CRPPA: variants seen among roughly 807,000 people sequenced by gnomAD.
The protein encoded by CRPPA is CDP-L-ribitol pyrophosphorylase A.
CRPPA carries 43 observed loss-of-function variants against 52.0 expected under a neutral mutation model. The ratio of observed to expected loss-of-function variants is 0.83; its 90% CI spans 0.65 to 1.07. The LOEUF is 1.07. CRPPA is among the 50% of genes least tolerant of loss of function. The probability of loss-of-function intolerance (pLI) is 0.00; values close to 1 mark genes in which losing one functional copy is unlikely to be tolerated. For missense variants in CRPPA, 629 were observed against 551.7 expected (o/e 1.14, Z -1.40); for synonymous variants, 250 against 203.5 (o/e 1.23, Z -1.94).
chr7:16,169,904 TAA>T (rs1781143258), intron 9 of CRPPA, among the ~76,000 whole-genome samples: 1 of 152,224 alleles, frequency 6.6e-6, no homozygotes, highest in East Asian at 1.9e-4. Flanking sequence ...ACACAAATGA[TAA>T]TATTAAACTA....
chr7:16,396,802 A>G (rs10257559), intron 2 of CRPPA, among the ~76,000 whole-genome samples: 5,322 of 152,320 alleles, frequency 0.035, 318 homozygotes, highest in African/African-American at 0.12. Context: ...GTGTGTAACT[A>G]AAGATGTGTG....
At chr7:16,322,479 A>T (rs1325698486) in intron 3 of CRPPA, among the ~76,000 whole-genome samples, 1 of 152,182 alleles carries the variant, frequency 6.6e-6, no homozygotes, top group Non-Finnish European at 1.5e-5. Flanking sequence ...AGAAAAACAG[A>T]ACTCTAATCT....
intron 3 of CRPPA, among the ~76,000 whole-genome samples, chr7:16,316,551 G>C (rs1450216549): frequency 1.3e-5 from 2 of 152,024 alleles, no homozygotes; most frequent in African/African-American, 2.4e-5. Flanking sequence ...TGGTATTTAA[G>C]TTACAGATCA....
At chr7:16,387,563 ATTT>A (rs544143518) in intron 2 of CRPPA, among the ~76,000 whole-genome samples, 1 of 151,748 alleles carries the variant, frequency 6.6e-6, no homozygotes, top group Non-Finnish European at 1.5e-5. Context: ...GTCAAACTAA[ATTT>A]TTTTTTAAAT....
chr7:16,277,918 C>T (rs1298167086), intron 6 of CRPPA, among the ~76,000 whole-genome samples: 1 of 151,958 alleles, frequency 6.6e-6, no homozygotes, highest in Non-Finnish European at 1.5e-5. Context: ...CACACATGGA[C>T]ACTGGAAAAA....
chr7:16,216,464 C>T (rs1380741336), intron 8 of CRPPA: 7 of 312,594 alleles, frequency 2.2e-5, no homozygotes, highest in South Asian at 6.9e-5. Flanking sequence ...GGAACAGCTC[C>T]GGTCTACAGC....
intron 5 of CRPPA, among the ~76,000 whole-genome samples, chr7:16,282,634 C>G (rs1215869147): frequency 3.3e-5 from 5 of 152,056 alleles, no homozygotes; most frequent in Admixed American, 6.5e-5. Context: ...TAAAAAAGCA[C>G]CCTCTCCTAA....
At chr7:16,370,754 G>C (rs926276462) in intron 3 of CRPPA, among the ~76,000 whole-genome samples, 1 of 152,114 alleles carries the variant, frequency 6.6e-6, no homozygotes, top group Non-Finnish European at 1.5e-5. Flanking sequence ...GGGTTTTGGA[G>C]AAGGGGTCCT....
At chr7:16,358,212 GTGGAGCCAGCAGGGATGGAAACA>G (rs1270554325) in intron 3 of CRPPA, among the ~76,000 whole-genome samples, 7 of 152,042 alleles carry the variant, frequency 4.6e-5, no homozygotes, top group Non-Finnish European at 7.4e-5. Context: ...CATGGCAGCT[GTGGAGCCAGCAGGGATGGAAACA>G]TGCCAGAATC....
At chr7:16,343,190 A>G (rs1461306723) in intron 3 of CRPPA, among the ~76,000 whole-genome samples, 1 of 152,164 alleles carries the variant, frequency 6.6e-6, no homozygotes, top group Non-Finnish European at 1.5e-5. Context: ...CTTTGGAAAA[A>G]TGATCAAAAT....
chr7:16,135,887 A>C (rs1336030811), intron 9 of CRPPA, among the ~76,000 whole-genome samples: 1 of 152,166 alleles, frequency 6.6e-6, no homozygotes, highest in Non-Finnish European at 1.5e-5. Flanking sequence ...TTATCTCTGG[A>C]GCATGAAAAT....
intron 6 of CRPPA, among the ~76,000 whole-genome samples, chr7:16,272,139 T>A (rs1784103175): frequency 1.3e-5 from 2 of 152,154 alleles, no homozygotes; most frequent in African/African-American, 4.8e-5. Flanking sequence ...ATACTTCAAA[T>A]TGCTGAGAAA....
chr7:16,312,951 A>T (rs1785065046), intron 3 of CRPPA, among the ~76,000 whole-genome samples: 1 of 151,878 alleles, frequency 6.6e-6, no homozygotes, highest in Non-Finnish European at 1.5e-5. Context: ...TTGCTTTTGT[A>T]CATTGTTGAA....
At chr7:16,368,519 C>T (rs1176773671) in intron 3 of CRPPA, among the ~76,000 whole-genome samples, 3 of 152,164 alleles carry the variant, frequency 2.0e-5, no homozygotes, top group Non-Finnish European at 4.4e-5. Flanking sequence ...GACATTGGCA[C>T]TAGTAGCATT....
chr7:16,378,833 GT>G (rs1365630291), intron 2 of CRPPA, among the ~76,000 whole-genome samples: 1 of 152,118 alleles, frequency 6.6e-6, no homozygotes, highest in African/African-American at 2.4e-5. Context: ...TCTCACTGTG[GT>G]TTTGATTTGC....
intron 9 of CRPPA, among the ~76,000 whole-genome samples, chr7:16,097,329 A>C (rs1029743042): frequency 3.3e-5 from 5 of 152,172 alleles, no homozygotes; most frequent in Non-Finnish European, 4.4e-5. Flanking sequence ...CTGTGTTTTA[A>C]GACTATTAGA....
intron 4 of CRPPA, among the ~76,000 whole-genome samples, chr7:16,303,793 CT>C (rs1427807178): frequency 6.6e-6 from 1 of 152,096 alleles, no homozygotes; most frequent in African/African-American, 2.4e-5. Context: ...ATAGAGACTA[CT>C]TTGTTTCTTT....
intron 9 of CRPPA, among the ~76,000 whole-genome samples, chr7:16,108,864 T>C (rs562043959): frequency 2.6e-5 from 4 of 151,722 alleles, no homozygotes; most frequent in Non-Finnish European, 3.0e-5. Context: ...GAAAGACCAA[T>C]GAATCAATAA....
chr7:16,398,753 T>G (rs1787695320), intron 2 of CRPPA, among the ~76,000 whole-genome samples: 1 of 152,048 alleles, frequency 6.6e-6, no homozygotes, highest in Middle Eastern at 3.5e-3. Context: ...GCCTGACATG[T>G]GACAAACACG....
Sources: gnomAD v4.1 joint callset for allele counts (sites outside exome capture counted in the v4.1 genomes callset) on GRCh38, gnomAD v4.1.1 for gene constraint, MANE v1.5 for transcripts, NCBI Gene and HGNC (gene_info 2026-07-23, HGNC 2026-07-21) for gene names.